HPD: variants seen among roughly 807,000 people sequenced by gnomAD.
The protein encoded by HPD is 4-hydroxyphenylpyruvic acid oxidase.
HPD carries 35 observed loss-of-function variants against 56.9 expected under a neutral mutation model. The ratio of observed to expected loss-of-function variants is 0.62; its 90% CI spans 0.47 to 0.82. The LOEUF (loss-of-function observed/expected upper bound fraction) is 0.82, where lower values mean the gene tolerates loss of function less well. HPD is among the 40% of genes least tolerant of loss of function. HPD has a pLI of 0.00. For missense variants in HPD, 442 were observed against 506.8 expected, an observed-to-expected ratio of 0.87 and a Z score of 1.23; for synonymous variants, 186 against 200.2, an observed-to-expected ratio of 0.93 and a Z score of 0.60.
At chr12:121,851,699 A>ATTTTTTTTTTTTTTT (rs1284294966) in intron 7 of HPD, among the ~76,000 whole-genome samples, 1 of 12,396 alleles carries the variant, frequency 8.1e-5, no homozygotes, top group Non-Finnish European at 1.8e-4. Flanking sequence ...TTATTTATTT[A>ATTTTTTTTTTTTTTT]TTTTTTTTTT....
At chr12:121,887,013 C>T in the HPD span, among the ~76,000 whole-genome samples, 12 of 152,148 alleles carry the variant, frequency 7.9e-5, no homozygotes, top group African/African-American at 2.4e-4. Flanking sequence ...GATTCTCCTG[C>T]GTCAGCCTCC....
chr12:121,884,875 T>C, the HPD span, among the ~76,000 whole-genome samples: 3 of 152,266 alleles, frequency 2.0e-5, no homozygotes, highest in Non-Finnish European at 4.4e-5. Flanking sequence ...ATCTCTCTCT[T>C]GTCTACAAAT....
At chr12:121,872,403 G>A in the HPD span, among the ~76,000 whole-genome samples, 1 of 151,712 alleles carries the variant, frequency 6.6e-6, no homozygotes, top group South Asian at 2.1e-4. Flanking sequence ...AGTTTCTTTT[G>A]TATTTTTAGT....
At chr12:121,873,248 C>T in the HPD span, among the ~76,000 whole-genome samples, 1 of 152,208 alleles carries the variant, frequency 6.6e-6, no homozygotes, top group Admixed American at 6.5e-5. Flanking sequence ...GGCCTCAATG[C>T]CCAGCTGTAG....
upstream of HPD, among the ~76,000 whole-genome samples, chr12:121,860,358 G>A (rs1261124647): frequency 6.6e-6 from 1 of 152,156 alleles, no homozygotes; most frequent in African/African-American, 2.4e-5. Context: ...TGGCTTATAT[G>A]CTAAGCACAA....
upstream of HPD, among the ~76,000 whole-genome samples, chr12:121,859,681 C>G (rs767013229): frequency 3.9e-5 from 6 of 152,198 alleles, no homozygotes; most frequent in Non-Finnish European, 7.4e-5. Flanking sequence ...AGCAGAGCCC[C>G]AAACTCTGGC....
upstream of HPD, among the ~76,000 whole-genome samples, chr12:121,862,959 C>G (rs1301953404): frequency 1.3e-5 from 2 of 150,408 alleles, no homozygotes; most frequent in African/African-American, 4.9e-5. Context: ...GGATTATAGG[C>G]GTGAGCCACC....
the HPD span, among the ~76,000 whole-genome samples, chr12:121,875,584 C>T: frequency 1.3e-5 from 2 of 151,984 alleles, no homozygotes; most frequent in Non-Finnish European, 2.9e-5. Flanking sequence ...TGCCACCAAG[C>T]CCGGCTAATT....
chr12:121,840,333 C>T (rs1024170849), intron 12 of HPD, among the ~76,000 whole-genome samples: 6 of 152,086 alleles, frequency 3.9e-5, no homozygotes, highest in Admixed American at 3.9e-4. Flanking sequence ...CGGAGCCTTG[C>T]GCTGTTACCC....
chr12:121,865,022 C>G (rs562607946), upstream of HPD, among the ~76,000 whole-genome samples: 198 of 152,018 alleles, frequency 1.3e-3, 1 homozygote, highest in Non-Finnish European at 2.0e-3. Context: ...AATCCCAGCA[C>G]TTTGGGAGGC....
At chr12:121,861,522 T>C (rs1211189972), upstream of HPD, among the ~76,000 whole-genome samples, 3 of 151,806 alleles carry the variant, frequency 2.0e-5, no homozygotes, top group Non-Finnish European at 4.4e-5. Context: ...AATAAGTAAG[T>C]AAGTAAGTAA....
the HPD span, among the ~76,000 whole-genome samples, chr12:121,876,312 A>C: frequency 7.7e-6 from 1 of 129,854 alleles, no homozygotes; most frequent in African/African-American, 3.8e-5. Flanking sequence ...GTGTCTAAAA[A>C]ATAATAATAA....
chr12:121,883,659 C>A, the HPD span, among the ~76,000 whole-genome samples: 1 of 150,990 alleles, frequency 6.6e-6, no homozygotes, highest in Non-Finnish European at 1.5e-5. Context: ...CCCCACACAA[C>A]CAACTTTTCC....
intron 12 of HPD, 30 bp from the exon 13 acceptor site, chr12:121,840,078 G>T (rs1207677023): frequency 1.1e-5 from 16 of 1,439,752 alleles, no homozygotes; most frequent in Non-Finnish European, 1.6e-5. Flanking sequence ...CTCTGCTAGG[G>T]GAGGCTGGCA....
chr12:121,882,811 A>G, the HPD span, among the ~76,000 whole-genome samples: 1 of 151,938 alleles, frequency 6.6e-6, no homozygotes, highest in South Asian at 2.1e-4. Context: ...GTGTAATCTC[A>G]GCTCACTGCA....
the HPD span, among the ~76,000 whole-genome samples, chr12:121,882,860 G>A: frequency 1.3e-5 from 2 of 152,140 alleles, no homozygotes; most frequent in Non-Finnish European, 2.9e-5. Context: ...AGCCTCCTGA[G>A]TAGCTGGGAT....
chr12:121,869,479 T>C, the HPD span, among the ~76,000 whole-genome samples: 1 of 151,588 alleles, frequency 6.6e-6, no homozygotes, highest in Non-Finnish European at 1.5e-5. Context: ...GAGCCACTGG[T>C]GTGGAAAGAG....
chr12:121,859,550 C>A (rs1359615008), upstream of HPD, among the ~76,000 whole-genome samples: 1 of 152,092 alleles, frequency 6.6e-6, no homozygotes, highest in Non-Finnish European at 1.5e-5. Flanking sequence ...ACTCCAGGAC[C>A]CACACTTTAA....
At chr12:121,864,907 C>A (rs1417902265), upstream of HPD, among the ~76,000 whole-genome samples, 1 of 151,918 alleles carries the variant, frequency 6.6e-6, no homozygotes, top group East Asian at 1.9e-4. Flanking sequence ...ATAGACAATA[C>A]CCACATTAAT....
Sources: gnomAD v4.1 joint callset for allele counts (sites outside exome capture counted in the v4.1 genomes callset) on GRCh38, gnomAD v4.1.1 for gene constraint, MANE v1.5 for transcripts, NCBI Gene and HGNC (gene_info 2026-07-23, HGNC 2026-07-21) for gene names.